Variants in METTL5 observed in about 807,000 individuals in gnomAD.
The protein encoded by METTL5 is rRNA N(6)-adenosine-methyltransferase METTL5.
Under a neutral mutation model 26.5 loss-of-function variants are expected in METTL5, and 28 were observed. The ratio of observed to expected loss-of-function variants is 1.06; its 90% CI spans 0.78 to 1.45. The LOEUF is 1.45. METTL5 is among the 40% of genes most tolerant of loss of function. The pLI, the probability that METTL5 is intolerant of heterozygous loss-of-function variation, is 0.00. For synonymous variants in METTL5, 86 were observed against 82.6 expected, an observed-to-expected ratio of 1.04 and a Z score of -0.22; for missense variants, 231 against 249.9, an observed-to-expected ratio of 0.92 and a Z score of 0.51.
chr2:169,824,620 T>G lies in METTL5; in HGVS notation c.-23A>C, dbSNP rs775363523. 5 of 1,569,486 alleles carry G rather than the reference T, an allele frequency of 3.2e-6. No homozygotes were observed. In the East Asian group the frequency reaches 1.1e-4, roughly 35 times the overall value. ...CATTTTGTTTTAAAGTATGGACTCG[T>G]AGGGTTTGAAGGCACAGGATCTGCG... On this transcript the variant is annotated 5_prime_UTR_variant, in exon 1 of 7. Transcript: ENST00000260953.
chr2:169,821,973 A>C lies in METTL5; in HGVS notation c.194T>G (p.Leu65Arg), dbSNP rs758419224. ...VADLGCGCGV[L>R]SIGTAMLGAG... ...TCCTAACATTGCAGTTCCGATGCTA[A>C]GTACTCCACAACCACATCCTAGATC... Residue 65 changes from leucine to arginine, a missense_variant, in exon 2 of 7, where the codon CTT becomes CGT. Physicochemically the swap from Leu to Arg is moderately radical, Grantham distance 102. Coordinates refer to ENST00000260953, the MANE Select transcript of METTL5 (RefSeq NM_014168.4). 6.2e-7 allele frequency: 1 copy of C among 1,613,754 alleles called. No homozygotes were observed. The highest frequency in any genetic ancestry group is 1.3e-5 in the African/African-American group (1 of 74,884).
rs749279604 is a variant in METTL5 at position 169,815,537 on chromosome 2, AAAT to A, written c.490-12_490-10del. 1 of 1,588,698 alleles carries A rather than the reference AAAT, an allele frequency of 6.3e-7. No homozygotes were observed. Among genetic ancestry groups the A allele is most frequent in the Admixed American group, 1.7e-5 (1 of 58,310 alleles). ...GCTTTCTTTTGAACATGCTGAACAT[AAAT>A]AATATGTTGTTATGAGCTGATTTTT... On this transcript the variant is annotated splice_polypyrimidine_tract_variant and intron_variant, in intron 4 of 6. Transcript: ENST00000260953.
chr2:169,824,556 T>C lies in METTL5; in HGVS notation c.42A>G (p.Gln14=), dbSNP rs758629888. 1.5e-5 allele frequency: 25 copies of C among 1,614,112 alleles called. No homozygotes were observed. The highest frequency in any genetic ancestry group is 2.0e-5 in the Non-Finnish European group (24 of 1,180,034). The change falls in exon 1 of 7, where the codon CAA becomes CAG. Residue 14 remains glutamine, a synonymous_variant. Coordinates refer to ENST00000260953, the MANE Select transcript of METTL5 (RefSeq NM_014168.4). The part of the protein sequence containing the change: ...VRLKELESRL[Q]QVDGFEKPKL... Reference sequence around the variant, plus strand: ...TGGGCTTTTCAAATCCATCCACTTGTTGCAGGCGACTCTCTAGTTCCTTAA... The same window carrying C: ...TGGGCTTTTCAAATCCATCCACTTGCTGCAGGCGACTCTCTAGTTCCTTAA...
chr2:169,818,341 C>T (rs2081538948), intron 4 of METTL5, among the ~76,000 whole-genome samples: 1 of 152,192 alleles, frequency 6.6e-6, no homozygotes, highest in Non-Finnish European at 1.5e-5. Context: ...GCCTAATGCA[C>T]CTTTCTCCTT....
chr2:169,824,677 T>G lies in METTL5; in HGVS notation c.-80A>C, dbSNP rs2081629580. The G allele has an allele frequency of 1.7e-6, 2 of 1,152,094 alleles. No homozygotes were observed. Among genetic ancestry groups the G allele is most frequent in the African/African-American group, 3.0e-5 (2 of 65,724 alleles). The allele number at this position is 1,152,094 out of a possible 1,614,324, so 71.4% of individuals were successfully genotyped here. On this transcript the variant is annotated 5_prime_UTR_variant, in exon 1 of 7. Transcript: ENST00000260953. ...TCTATTGAACTGGGATCTTGTTTCC[T>G]CCCTACCCCCAACCTTCTCCCTTTT...
At chr2:169,821,338 A>AT in intron 2 of METTL5, 65 bp from the exon 3 acceptor site, 1 of 1,191,490 alleles carries the variant, frequency 8.4e-7, no homozygotes, top group Non-Finnish European at 1.2e-6. Flanking sequence ...CAAAACCAAA[A>AT]TTAGCTGTTT....
chr2:169,824,496 G>C lies in METTL5; in HGVS notation c.102C>G (p.His34Gln). 1 of 1,613,768 alleles carries C rather than the reference G, an allele frequency of 6.2e-7. No individual in the cohort carries two copies. Reference protein sequence around the residue: ...LLLEQYPTRPHIAACMLYTIH... With the variant: ...LLLEQYPTRPQIAACMLYTIH... ...GTGAACCAGCCGCCCTACCTGCAAT[G>C]TGCGGCCTGGTAGGATACTGTTCCA... Residue 34 changes from histidine (H) to glutamine (Q), a missense_variant, in exon 1 of 7, where the codon CAC (histidine) becomes CAG (glutamine). Transcript: ENST00000260953.
At chr2:169,814,916 T>C (rs1004713218) in intron 5 of METTL5, among the ~76,000 whole-genome samples, 80 of 151,134 alleles carry the variant, frequency 5.3e-4, no homozygotes, top group Non-Finnish European at 7.7e-4. Context: ...TTTTTGAGAC[T>C]GAGTCTCCTC....
intron 1 of METTL5, 137 bp from the exon 2 acceptor site, chr2:169,822,194 A>G: frequency 7.9e-7 from 1 of 1,264,072 alleles, no homozygotes; most frequent in South Asian, 1.6e-5. Context: ...TTATTTTTGT[A>G]AAAGATAAGG....
chr2:169,819,539 A>G (rs746288251), intron 4 of METTL5, 22 bp downstream of exon 4: 2 of 1,548,796 alleles, frequency 1.3e-6, no homozygotes, highest in Admixed American at 1.7e-5. Flanking sequence ...ATGCCACAGA[A>G]TATCAGATGA....
chr2:169,823,682 A>G (rs923370593), intron 1 of METTL5, among the ~76,000 whole-genome samples: 1 of 152,138 alleles, frequency 6.6e-6, no homozygotes, highest in Non-Finnish European at 1.5e-5. Flanking sequence ...TTAGCCAGGC[A>G]TGACGGTGCA....
intron 5 of METTL5, 62 bp from the exon 6 acceptor site, chr2:169,812,568 AAACAAC>A: frequency 2.0e-6 from 3 of 1,530,544 alleles, no homozygotes; most frequent in Non-Finnish European, 2.7e-6. Flanking sequence ...ACCCTTGACT[AAACAAC>A]AACAACAACA....
intron 2 of METTL5, 117 bp downstream of exon 2, chr2:169,821,826 G>A (rs1338067532): frequency 2.4e-6 from 2 of 820,086 alleles, no homozygotes; most frequent in Non-Finnish European, 3.8e-6. Flanking sequence ...TTCAGTATCA[G>A]ATTTTTGCTC....
At chr2:169,815,361 A>G in intron 5 of METTL5, 116 bp downstream of exon 5, 1 of 673,964 alleles carries the variant, frequency 1.5e-6, no homozygotes, top group East Asian at 2.6e-5. Flanking sequence ...ATTACCAATC[A>G]TGCACATTTT....
chr2:169,820,885 T>TTGTG (rs3049450), intron 3 of METTL5, among the ~76,000 whole-genome samples: 13,070 of 147,860 alleles, frequency 0.088, 580 homozygotes, highest in Non-Finnish European at 0.1. Context: ...AAATTAAAAT[T>TTGTG]TGTGTGTGTG....
At position 169,821,087 on chromosome 2, in the gene METTL5, C is replaced by T. The variant is rs2105721464; in HGVS notation, c.406+5G>A. 1 of 1,573,478 alleles carries T rather than the reference C, an allele frequency of 6.4e-7. No homozygotes were observed. The stretch of plus-strand genomic sequence containing the variant: ...ATACCAATATACCCGATTCTTGTTA[C>T]AAACCTTTATTATTTTTGGTCCCAA... On this transcript the variant is annotated splice_donor_5th_base_variant and intron_variant, in intron 3 of 6. Coordinates refer to ENST00000260953, the MANE Select transcript of METTL5 (RefSeq NM_014168.4).
At chr2:169,812,877 TTAA>T (rs1222139974) in intron 5 of METTL5, 2 of 164,804 alleles carry the variant, frequency 1.2e-5, no homozygotes, top group East Asian at 3.6e-4. Context: ...TACCCAGAGT[TTAA>T]TAATGGTACT....
At chr2:169,811,962 A>G in intron 6 of METTL5, 104 bp from the exon 7 acceptor site, 1 of 1,298,616 alleles carries the variant, frequency 7.7e-7, no homozygotes. Context: ...CAGATGATTC[A>G]AATATCAAAA....
chr2:169,811,883 GTTGT>G (rs1558974267), intron 6 of METTL5, 25 bp from the exon 7 acceptor site: 1 of 1,611,280 alleles, frequency 6.2e-7, no homozygotes, highest in African/African-American at 1.3e-5. Flanking sequence ...AAATTTTTTT[GTTGT>G]TTAACTTGTC....
Sources: allele counts gnomAD v4.1 joint callset (sites outside exome capture counted in the v4.1 genomes callset), GRCh38; gene constraint gnomAD v4.1.1; transcripts MANE v1.5; gene names NCBI Gene and HGNC (gene_info 2026-07-23, HGNC 2026-07-21).